C8orf34: variants seen among roughly 807,000 people sequenced by gnomAD.
The protein encoded by C8orf34 is chromosome 8 open reading frame 34, also known as uncharacterized protein C8orf34.
C8orf34 carries 65 observed loss-of-function variants against 68.3 expected under a neutral mutation model. The ratio of observed to expected loss-of-function variants is 0.95; its 90% confidence interval spans 0.78 to 1.17. The LOEUF is 1.17. Among genes scored for constraint, C8orf34 ranks in the 50% most tolerant of loss-of-function variants. The probability of loss-of-function intolerance (pLI) is 0.00; values close to 1 mark genes in which losing one functional copy is unlikely to be tolerated. For synonymous variants in C8orf34, 244 were observed against 241.2 expected (o/e 1.01, Z -0.11); for missense variants, 664 against 655.4 (o/e 1.01, Z -0.14).
At chr8:68,387,159 G>A (rs1808296251) in intron 1 of C8orf34, among the ~76,000 whole-genome samples, 1 of 152,032 alleles carries the variant, frequency 6.6e-6, no homozygotes, top group Non-Finnish European at 1.5e-5. Context: ...ATGGGCAGTA[G>A]CCTTATTCTG....
intron 8 of C8orf34, among the ~76,000 whole-genome samples, chr8:68,644,923 G>T (rs1487810007): frequency 1.3e-5 from 2 of 152,178 alleles, no homozygotes; most frequent in Non-Finnish European, 1.5e-5. Flanking sequence ...CAGATGAGAG[G>T]AGAATGCAGA....
At chr8:68,345,269 A>G (rs1441997488) in intron 1 of C8orf34, among the ~76,000 whole-genome samples, 4 of 152,004 alleles carry the variant, frequency 2.6e-5, no homozygotes, top group African/African-American at 9.6e-5. Context: ...TTGATATTGC[A>G]TTGCTAGTAT....
chr8:68,567,389 C>T (rs1358034237), intron 7 of C8orf34, among the ~76,000 whole-genome samples: 2 of 151,902 alleles, frequency 1.3e-5, no homozygotes, highest in Non-Finnish European at 2.9e-5. Context: ...TCTCTTCTGG[C>T]TTTTCTAGCT....
At chr8:68,739,146 A>G (rs1364175030) in intron 10 of C8orf34, among the ~76,000 whole-genome samples, 1 of 152,174 alleles carries the variant, frequency 6.6e-6, no homozygotes, top group Non-Finnish European at 1.5e-5. Flanking sequence ...ACATATGCAA[A>G]TCAATAAATG....
At chr8:68,526,301 T>C (rs1364400545) in intron 6 of C8orf34, among the ~76,000 whole-genome samples, 1 of 152,112 alleles carries the variant, frequency 6.6e-6, no homozygotes, top group Non-Finnish European at 1.5e-5. Context: ...TGCATTTAAT[T>C]TCAGATCATT....
At position 68,503,069 on chromosome 8, in the gene C8orf34, A is replaced by G. The variant is rs115924342; in HGVS notation, c.765+15018A>G. On this transcript the variant is annotated intron_variant, in intron 5 of 13. Coordinates refer to ENST00000518698, the MANE Select transcript of C8orf34 (RefSeq NM_052958.4). ...GAACAACAAAAAGCATAAGAGAAAA[A>G]TGGAAGCAGAGGAATAGAAGCTATA... 9.9e-3 allele frequency among the ~76,000 whole-genome samples: 1,504 copies of G among 152,298 alleles called. 31 individuals carry two copies. Among genetic ancestry groups the G allele is most frequent in the African/African-American group, 0.035 (1,451 of 41,562 alleles).
chr8:68,416,553 A>G (rs1326066259), intron 1 of C8orf34, among the ~76,000 whole-genome samples: 1 of 151,632 alleles, frequency 6.6e-6, no homozygotes, highest in African/African-American at 2.4e-5. Context: ...TTATTTAGAG[A>G]CGAAGTCTCT....
At position 68,526,709 on chromosome 8, in the gene C8orf34, G is replaced by A. The variant is rs548236447; in HGVS notation, c.938+4738G>A. Among the ~76,000 whole-genome samples, 59 of 144,050 alleles carry A rather than the reference G, an allele frequency of 4.1e-4. 1 individual carries two copies. The highest frequency in any genetic ancestry group is 8.2e-4 in the Non-Finnish European group (54 of 66,168). The allele number at this position is 144,050 out of a possible 152,430, so 94.5% of individuals were successfully genotyped here. A position where few individuals can be genotyped will look rare whatever the true frequency, so the allele number is the denominator to read the frequency against. ...GTCAAAAAAAAAAAAAAGGACACAGGTTCAGCCTACAAGACTGTGAGGGTG... is the reference window on the plus strand; with the variant it reads ...GTCAAAAAAAAAAAAAAGGACACAGATTCAGCCTACAAGACTGTGAGGGTG... On this transcript the variant is annotated intron_variant, in intron 6 of 13. Transcript: ENST00000518698.
chr8:68,724,133 A>G (rs1821759898), intron 10 of C8orf34, among the ~76,000 whole-genome samples: 2 of 152,194 alleles, frequency 1.3e-5, no homozygotes, highest in South Asian at 4.1e-4. Context: ...CATGGGTTAA[A>G]TTAAAAGTTA....
At chr8:68,636,313 C>T (rs1791227681) in intron 7 of C8orf34, among the ~76,000 whole-genome samples, 1 of 151,814 alleles carries the variant, frequency 6.6e-6, no homozygotes, top group Non-Finnish European at 1.5e-5. Context: ...CAGTGGCTCA[C>T]GCCTATAATC....
chr8:68,637,323 A>T (rs1033536857), intron 7 of C8orf34, among the ~76,000 whole-genome samples: 3 of 152,052 alleles, frequency 2.0e-5, no homozygotes, highest in African/African-American at 4.8e-5. Context: ...TGAATCAGTA[A>T]CTCCTCCAAG....
At chr8:68,672,169 G>C (rs1820032932) in intron 8 of C8orf34, among the ~76,000 whole-genome samples, 1 of 148,610 alleles carries the variant, frequency 6.7e-6, no homozygotes, top group African/African-American at 2.5e-5. Context: ...TGGTTATGGA[G>C]GCAAGGGGGA....
intron 7 of C8orf34, among the ~76,000 whole-genome samples, chr8:68,618,744 A>G (rs1818302935): frequency 2.6e-5 from 4 of 152,214 alleles, no homozygotes; most frequent in African/African-American, 9.6e-5. Flanking sequence ...CAAATAGCTT[A>G]AAAGCTTTTT....
intron 11 of C8orf34, among the ~76,000 whole-genome samples, chr8:68,784,804 G>GTC (rs1554613506): frequency 7.3e-6 from 1 of 136,826 alleles, no homozygotes; most frequent in African/African-American, 2.8e-5. Flanking sequence ...GTGTGTGTAT[G>GTC]TGTGTGTGTG....
intron 4 of C8orf34, among the ~76,000 whole-genome samples, chr8:68,470,136 G>A (rs1215981361): frequency 1.3e-5 from 2 of 151,966 alleles, no homozygotes; most frequent in East Asian, 3.9e-4. Context: ...TCCTTTTGTA[G>A]AAAATAAGAG....
intron 8 of C8orf34, among the ~76,000 whole-genome samples, chr8:68,707,124 C>A (rs1482977249): frequency 6.6e-6 from 1 of 152,178 alleles, no homozygotes; most frequent in Non-Finnish European, 1.5e-5. Flanking sequence ...TGCCCATACA[C>A]CCCTTGTTTG....
intron 10 of C8orf34, among the ~76,000 whole-genome samples, chr8:68,755,336 G>A (rs1293055797): frequency 2.6e-5 from 4 of 152,174 alleles, no homozygotes; most frequent in Non-Finnish European, 2.9e-5. Context: ...TCCAACAGAA[G>A]AAACTGGCAT....
chr8:68,697,150 G>T (rs554210218), intron 8 of C8orf34, among the ~76,000 whole-genome samples: 1 of 151,754 alleles, frequency 6.6e-6, no homozygotes, highest in Admixed American at 6.6e-5. Context: ...TTTATATCGG[G>T]TATATTTTGT....
At chr8:68,533,640 T>A in intron 7 of C8orf34, 1 of 983,826 alleles carries the variant, frequency 1.0e-6, no homozygotes, top group Non-Finnish European at 1.2e-6. Flanking sequence ...ACGGGAAAGT[T>A]TGCAGAGATT....
Sources: gnomAD v4.1 joint callset for allele counts (sites outside exome capture counted in the v4.1 genomes callset) on GRCh38, gnomAD v4.1.1 for gene constraint, MANE v1.5 for transcripts, NCBI Gene and HGNC (gene_info 2026-07-23, HGNC 2026-07-21) for gene names.